The following ENTPD1 variants were observed in gnomAD, a reference collection of about 807,000 sequenced individuals.
ENTPD1 encodes the protein ectonucleoside triphosphate diphosphohydrolase 1.
Under a neutral mutation model 57.0 loss-of-function variants are expected in ENTPD1, and 33 were observed. The ratio of observed to expected loss-of-function variants is 0.58; its 90% confidence interval spans 0.44 to 0.77. ENTPD1 has a LOEUF of 0.77. Among genes scored for constraint, ENTPD1 ranks in the 30% least tolerant of loss-of-function variants. The probability of loss-of-function intolerance (pLI) is 0.00; values close to 1 mark genes in which losing one functional copy is unlikely to be tolerated. For synonymous variants in ENTPD1, 202 were observed against 218.8 expected (o/e 0.92, Z 0.68); for missense variants, 501 against 603.4 (o/e 0.83, Z 1.78).
chr10:95,812,014 A>G (rs970877983), intron 1 of ENTPD1, among the ~76,000 whole-genome samples: 5 of 152,190 alleles, frequency 3.3e-5, no homozygotes, highest in Non-Finnish European at 1.5e-5. Context: ...CTCCCCATCA[A>G]AGAGGTTCTA....
chr10:95,858,382 T>C (rs7095489), intron 7 of ENTPD1, among the ~76,000 whole-genome samples: 2,636 of 152,176 alleles, frequency 0.017, 81 homozygotes, highest in African/African-American at 0.059. Context: ...CATGCCTGGT[T>C]TTCAGCGACC....
rs1159923465 is a variant in ENTPD1 at position 95,871,720 on chromosome 10, C to A, written c.*5337C>A. 5 of 985,178 alleles carry A rather than the reference C, an allele frequency of 5.1e-6. No individual in the cohort carries two copies. In the African/African-American group the frequency reaches 8.7e-5, roughly 17 times the overall value. The allele number at this position is 985,178 out of a possible 1,614,324, so 61.0% of individuals were successfully genotyped here. On this transcript the variant is annotated 3_prime_UTR_variant, in exon 10 of 10. Coordinates refer to ENST00000371205, the MANE Select transcript of ENTPD1 (RefSeq NM_001776.6). ...AATTGACACTATAATCAACTGACAC[C>A]ATGATCAGTGATGATGATCACCCTC...
chr10:95,783,754 A>G (rs1255283766), intron 1 of ENTPD1, among the ~76,000 whole-genome samples: 1 of 152,034 alleles, frequency 6.6e-6, no homozygotes, highest in African/African-American at 2.4e-5. Context: ...ACAGTATCCA[A>G]TTCTTCCTGG....
chr10:95,789,943 T>C (rs2098196475), intron 1 of ENTPD1, among the ~76,000 whole-genome samples: 1 of 152,228 alleles, frequency 6.6e-6, no homozygotes, highest in Non-Finnish European at 1.5e-5. Flanking sequence ...TAAAAAGTGA[T>C]CTCTAATGGT....
chr10:95,761,346 G>A (rs1328223999), intron 1 of ENTPD1, among the ~76,000 whole-genome samples: 1 of 152,152 alleles, frequency 6.6e-6, no homozygotes, highest in Non-Finnish European at 1.5e-5. Flanking sequence ...TGTTAAAAAT[G>A]CAGATTCTGA....
At chr10:95,699,681 G>A in the ENTPD1 span, among the ~76,000 whole-genome samples, 1 of 151,966 alleles carries the variant, frequency 6.6e-6, no homozygotes, top group Admixed American at 6.6e-5. Context: ...AAAGAAAGAT[G>A]CACATTTGAC....
chr10:95,711,635 A>C, upstream of ENTPD1: 1 of 311,470 alleles, frequency 3.2e-6, no homozygotes, highest in Non-Finnish European at 6.1e-6. Flanking sequence ...TTTTGTACAG[A>C]TGGAATCTTG....
intron 3 of ENTPD1, among the ~76,000 whole-genome samples, chr10:95,841,585 G>A (rs945781312): frequency 6.6e-6 from 1 of 152,208 alleles, no homozygotes; most frequent in Non-Finnish European, 1.5e-5. Context: ...TTGAAAACCT[G>A]TGAATGATCT....
chr10:95,813,066 A>G (rs1033885290), intron 1 of ENTPD1, among the ~76,000 whole-genome samples: 3 of 152,130 alleles, frequency 2.0e-5, no homozygotes, highest in Non-Finnish European at 4.4e-5. Context: ...TTTTACTTTG[A>G]TTTGTTAACT....
At position 95,876,577 on chromosome 10, in the gene ENTPD1, G is replaced by A; in HGVS notation, c.*10194G>A. ...TACTCATGAAGATGGAAGTCTACAT[G>A]GAGAATACAGGATGAATCCACTCTG... is the stretch of plus-strand genomic sequence containing the variant. On this transcript the variant is annotated 3_prime_UTR_variant, in exon 10 of 10. Transcript: ENST00000371205. The A allele has an allele frequency of 8.1e-7, 1 of 1,230,694 alleles. No homozygotes were observed. The highest frequency in any genetic ancestry group is 1.0e-6 in the Non-Finnish European group (1 of 987,408). The allele number at this position is 1,230,694 out of a possible 1,614,324, so 76.2% of individuals were successfully genotyped here.
chr10:95,694,415 C>T, the ENTPD1 span, among the ~76,000 whole-genome samples: 1 of 90,750 alleles, frequency 1.1e-5, no homozygotes, highest in Admixed American at 9.3e-5. Context: ...CTAAATATGG[C>T]TTTTTTAAAA....
intron 1 of ENTPD1, among the ~76,000 whole-genome samples, chr10:95,736,292 G>T (rs971175007): frequency 6.6e-6 from 1 of 152,136 alleles, no homozygotes. Flanking sequence ...GTGAGCTGTC[G>T]TGCCCAGCTA....
At chr10:95,848,525 G>T (rs1440468897) in intron 7 of ENTPD1, among the ~76,000 whole-genome samples, 1 of 152,076 alleles carries the variant, frequency 6.6e-6, no homozygotes, top group South Asian at 2.1e-4. Flanking sequence ...CTGGGATATT[G>T]CTGGTGATAA....
intron 1 of ENTPD1, among the ~76,000 whole-genome samples, chr10:95,798,028 G>A (rs762020555): frequency 3.3e-5 from 5 of 152,156 alleles, no homozygotes; most frequent in East Asian, 1.9e-4. Flanking sequence ...AAGATGGAAC[G>A]CTGTGGATCA....
At chr10:95,732,699 A>T (rs973508338) in intron 1 of ENTPD1, among the ~76,000 whole-genome samples, 1 of 152,144 alleles carries the variant, frequency 6.6e-6, no homozygotes, top group South Asian at 2.1e-4. Context: ...AAATAAAGGG[A>T]AAGAGTACAA....
At chr10:95,722,871 G>A (rs1293063778) in intron 1 of ENTPD1, among the ~76,000 whole-genome samples, 1 of 152,228 alleles carries the variant, frequency 6.6e-6, no homozygotes, top group African/African-American at 2.4e-5. Flanking sequence ...TAACAGAATA[G>A]CCCCATACGA....
Position 95,842,696 on chromosome 10 carries a change from A to T in ENTPD1, c.413+202A>T, listed in dbSNP as rs543460455. 8.8e-5 allele frequency among the ~76,000 whole-genome samples: 8 copies of T among 90,734 alleles called. No homozygotes were observed. The South Asian group carries it at 3.7e-3, about 42-fold the overall frequency. 59.5% of individuals were successfully genotyped at this position (90,734 alleles called of 152,430 possible). On this transcript the variant is annotated intron_variant, in intron 4 of 9. Coordinates refer to ENST00000371205, the MANE Select transcript of ENTPD1 (RefSeq NM_001776.6). ...TAGGGGTAGGATTTTATGTATGTTA[A>T]AAAAAAAAGCCCCCTTGTGCATCTC... is the stretch of plus-strand genomic sequence containing the variant.
At chr10:95,712,057 T>C (rs528295089) in intron 1 of ENTPD1, 37 of 1,608,928 alleles carry the variant, frequency 2.3e-5, no homozygotes, top group Non-Finnish European at 2.9e-5. Flanking sequence ...GTAGAGCCGA[T>C]GGTAAAAATC....
At chr10:95,750,774 C>T (rs2098010893), upstream of ENTPD1, among the ~76,000 whole-genome samples, 1 of 152,138 alleles carries the variant, frequency 6.6e-6, no homozygotes, top group African/African-American at 2.4e-5. Flanking sequence ...CCTGTAATCC[C>T]AGCACTTTGG....
Sources: gnomAD v4.1 joint callset for allele counts (sites outside exome capture counted in the v4.1 genomes callset) on GRCh38, gnomAD v4.1.1 for gene constraint, MANE v1.5 for transcripts, NCBI Gene and HGNC (gene_info 2026-07-23, HGNC 2026-07-21) for gene names.